The following EIF4E3 variants were observed in gnomAD, a reference collection of about 807,000 sequenced individuals.
EIF4E3 encodes the protein eukaryotic translation initiation factor 4E family member 3, also known as eukaryotic translation initiation factor 4E type 3.
A neutral mutation model predicts 31.7 loss-of-function variants in EIF4E3; 26 were observed. The ratio of observed to expected loss-of-function variants is 0.82; its 90% CI spans 0.60 to 1.14. EIF4E3 has a LOEUF of 1.14. EIF4E3 is among the 50% of genes most tolerant of loss of function. EIF4E3 has a pLI of 0.00. For synonymous variants in EIF4E3, 128 were observed against 107.7 expected, an observed-to-expected ratio of 1.19 and a Z score of -1.17; for missense variants, 304 against 270.9, an observed-to-expected ratio of 1.12 and a Z score of -0.86.
intron 1 of EIF4E3, among the ~76,000 whole-genome samples, chr3:71,732,380 T>TA (rs543479813): frequency 4.5e-4 from 68 of 150,586 alleles, no homozygotes; most frequent in East Asian, 5.9e-4. Flanking sequence ...TTTCCTGATT[T>TA]AAAAAAAAAT....
the EIF4E3 span, among the ~76,000 whole-genome samples, chr3:71,664,341 G>A: frequency 1.3e-5 from 2 of 152,050 alleles, no homozygotes; most frequent in Non-Finnish European, 2.9e-5. Flanking sequence ...GGAACTTGAT[G>A]CTATAGTGGA....
chr3:71,666,638 C>CA, the EIF4E3 span, among the ~76,000 whole-genome samples: 1 of 152,014 alleles, frequency 6.6e-6, no homozygotes, highest in Admixed American at 6.6e-5. Context: ...AGAGACACAA[C>CA]AAAAAAAGAG....
the EIF4E3 span, among the ~76,000 whole-genome samples, chr3:71,668,490 T>C: frequency 6.6e-6 from 1 of 152,052 alleles, no homozygotes; most frequent in Non-Finnish European, 1.5e-5. Context: ...TTTTAAAATC[T>C]GTCCATCTGA....
intron 1 of EIF4E3, among the ~76,000 whole-genome samples, chr3:71,714,560 G>A (rs1162277812): frequency 6.6e-6 from 1 of 152,178 alleles, no homozygotes; most frequent in Non-Finnish European, 1.5e-5. Context: ...GTCCTTTTGT[G>A]AGCCAAATGT....
intron 1 of EIF4E3, among the ~76,000 whole-genome samples, chr3:71,732,803 CAT>C (rs1210610897): frequency 1.3e-5 from 2 of 152,252 alleles, no homozygotes; most frequent in Non-Finnish European, 2.9e-5. Context: ...AGTCCAAAAA[CAT>C]GTGCTTGAGC....
intron 5 of EIF4E3, among the ~76,000 whole-genome samples, chr3:71,691,444 G>A (rs1409171614): frequency 6.6e-6 from 1 of 151,740 alleles, no homozygotes; most frequent in Non-Finnish European, 1.5e-5. Flanking sequence ...AAATGAATTT[G>A]ATCCTGGCTA....
intron 1 of EIF4E3, among the ~76,000 whole-genome samples, chr3:71,732,191 CAT>C (rs1214967569): frequency 5.3e-5 from 8 of 152,130 alleles, no homozygotes; most frequent in Non-Finnish European, 7.4e-5. Context: ...CATATGTACT[CAT>C]ATCTCCACAC....
At chr3:71,715,425 G>A (rs1027943502) in intron 1 of EIF4E3, among the ~76,000 whole-genome samples, 3 of 152,138 alleles carry the variant, frequency 2.0e-5, no homozygotes, top group Non-Finnish European at 2.9e-5. Context: ...CTCCTCTCTC[G>A]GAATTCCCCA....
chr3:71,725,397 A>C lies in EIF4E3; in HGVS notation c.-30T>G, dbSNP rs1327932209. ...TCCGCCCCGCCTGCAAGGCCGGCGG[A>C]CGCGCGGACCGCGGGGCGAGCGCGG... is the stretch of plus-strand genomic sequence containing the variant. On this transcript the variant is annotated 5_prime_UTR_variant, in exon 1 of 7. Coordinates refer to ENST00000425534, the MANE Select transcript of EIF4E3 (RefSeq NM_001134651.2). This position sits in a 1 kb window ranked among gnomAD's most constrained non-coding sequence, Gnocchi z 6.1. The C allele has an allele frequency of 1.0e-6, 1 of 974,222 alleles. No homozygotes were observed. Among genetic ancestry groups the C allele is most frequent in the African/African-American group, 1.8e-5 (1 of 55,408 alleles). The allele number at this position is 974,222 out of a possible 1,614,324, so 60.3% of individuals were successfully genotyped here. A position where few individuals can be genotyped will look rare whatever the true frequency, so the allele number is the denominator to read the frequency against.
intron 5 of EIF4E3, 102 bp from the exon 6 acceptor site, chr3:71,690,267 G>A: frequency 6.2e-6 from 8 of 1,295,208 alleles, no homozygotes; most frequent in South Asian, 1.7e-5. Flanking sequence ...AGGATAAGAT[G>A]GAAAAAAGAA....
At chr3:71,754,673 C>A (rs778287003), upstream of EIF4E3, 16 of 1,499,156 alleles carry the variant, frequency 1.1e-5, no homozygotes, top group South Asian at 1.7e-4. The surrounding 1 kb of genome is among the most constrained non-coding windows in gnomAD (Gnocchi z 5.8). Context: ...TCTTCTTCAT[C>A]CACGACCGCC....
intron 2 of EIF4E3, among the ~76,000 whole-genome samples, chr3:71,703,810 T>TAAA (rs2049251673): frequency 3.7e-5 from 1 of 26,870 alleles, no homozygotes; most frequent in Non-Finnish European, 7.4e-5. Flanking sequence ...CAAACACACA[T>TAAA]CAAAAAAAAA....
intron 1 of EIF4E3, among the ~76,000 whole-genome samples, chr3:71,736,308 C>T (rs1271442129): frequency 6.6e-6 from 1 of 152,146 alleles, no homozygotes; most frequent in African/African-American, 2.4e-5. Flanking sequence ...TTGGTATTTA[C>T]CCAATTGAGC....
At chr3:71,718,107 A>G (rs2049492188) in intron 1 of EIF4E3, among the ~76,000 whole-genome samples, 1 of 152,248 alleles carries the variant, frequency 6.6e-6, no homozygotes, top group African/African-American at 2.4e-5. Flanking sequence ...AGGCAGAGTT[A>G]TATCTTCTAA....
At chr3:71,702,799 T>G (rs1424462959) in intron 2 of EIF4E3, among the ~76,000 whole-genome samples, 3 of 151,122 alleles carry the variant, frequency 2.0e-5, no homozygotes, top group African/African-American at 7.3e-5. Context: ...ATAGGTAGAA[T>G]ATTTGTGAAG....
chr3:71,665,552 C>G, the EIF4E3 span, among the ~76,000 whole-genome samples: 1 of 152,186 alleles, frequency 6.6e-6, no homozygotes, highest in Non-Finnish European at 1.5e-5. Context: ...ACATGAAAGT[C>G]TGTCACTGTA....
At chr3:71,667,505 C>T in the EIF4E3 span, among the ~76,000 whole-genome samples, 1 of 152,150 alleles carries the variant, frequency 6.6e-6, no homozygotes, top group African/African-American at 2.4e-5. Flanking sequence ...GAAAACCCCC[C>T]ATTGTCTCAG....
At chr3:71,699,755 T>C (rs2049189318) in intron 2 of EIF4E3, 47 bp from the exon 3 acceptor site, 1 of 1,490,056 alleles carries the variant, frequency 6.7e-7, no homozygotes, top group Admixed American at 1.7e-5. Context: ...CAGTATTGAT[T>C]TATTATGCTG....
chr3:71,728,244 A>G (rs2049663076), upstream of EIF4E3, among the ~76,000 whole-genome samples: 1 of 152,228 alleles, frequency 6.6e-6, no homozygotes, highest in Non-Finnish European at 1.5e-5. Flanking sequence ...GGAGGGAACA[A>G]TGGTCACAAC....
Sources: allele counts gnomAD v4.1 joint callset (sites outside exome capture counted in the v4.1 genomes callset), GRCh38; gene constraint gnomAD v4.1.1; non-coding constraint Gnocchi (gnomAD v3.1); transcripts MANE v1.5; gene names NCBI Gene and HGNC (gene_info 2026-07-23, HGNC 2026-07-21).